Variants in PTPRM observed in about 807,000 individuals in gnomAD.
PTPRM encodes the protein receptor-type tyrosine-protein phosphatase mu.
In PTPRM, 47 loss-of-function variants were observed where a neutral mutation model predicts 186.7. That is an observed-to-expected ratio of 0.25 (90% CI 0.20 to 0.32). PTPRM has a LOEUF of 0.32. PTPRM is among the 10% of genes least tolerant of loss of function. The pLI is 1.00. For synonymous variants in PTPRM, 668 were observed against 674.9 expected (o/e 0.99, Z 0.16); for missense variants, 1,494 against 1,865.0 (o/e 0.80, Z 3.66).
At chr18:7,899,173 A>C (rs996199035) in intron 3 of PTPRM, among the ~76,000 whole-genome samples, 1 of 152,202 alleles carries the variant, frequency 6.6e-6, no homozygotes, top group Non-Finnish European at 1.5e-5. Context: ...AAGCAACGTT[A>C]CCAAAAAGAA....
In PTPRM at chr18:8,113,771, A is replaced by G; in HGVS notation, c.2130+12A>G. The G allele has an allele frequency of 6.2e-7, 1 of 1,602,246 alleles. No homozygotes were observed. Among genetic ancestry groups the G allele is most frequent in the East Asian group, 2.2e-5 (1 of 44,702 alleles). On this transcript the variant is annotated intron_variant, in intron 12 of 32. Coordinates refer to ENST00000580170, the MANE Select transcript of PTPRM (RefSeq NM_001105244.2). ...GTAGAGCCAATGGGGTAAGTTGTAC[A>G]GATAACTGTTTACTTAGGCTATTTG...
intron 7 of PTPRM, among the ~76,000 whole-genome samples, chr18:7,963,314 C>T (rs1176368065): frequency 2.0e-5 from 3 of 152,182 alleles, no homozygotes; most frequent in Admixed American, 6.5e-5. Context: ...CCCTTAAACA[C>T]GGATTCAGCA....
intron 1 of PTPRM, among the ~76,000 whole-genome samples, chr18:7,615,455 G>A (rs1342752088): frequency 6.6e-6 from 1 of 151,992 alleles, no homozygotes; most frequent in African/African-American, 2.4e-5. Context: ...TCTCCGAAAG[G>A]CCCTGTGTCA....
chr18:8,252,676 C>G (rs951986408), intron 18 of PTPRM, among the ~76,000 whole-genome samples, 177 bp downstream of exon 18: 3 of 152,266 alleles, frequency 2.0e-5, no homozygotes, highest in African/African-American at 7.2e-5. Context: ...CTTTCTGATA[C>G]CAGAGCATGC....
At chr18:8,084,875 A>G (rs1456623313) in intron 9 of PTPRM, among the ~76,000 whole-genome samples, 1 of 151,864 alleles carries the variant, frequency 6.6e-6, no homozygotes, top group Non-Finnish European at 1.5e-5. Flanking sequence ...TGTTATATTT[A>G]TTTTCAAACA....
chr18:7,652,134 TA>T (rs1206953520), intron 1 of PTPRM, among the ~76,000 whole-genome samples: 4 of 152,054 alleles, frequency 2.6e-5, no homozygotes, highest in Admixed American at 6.6e-5. Context: ...TTTATGCAGC[TA>T]AAAAACACAT....
intron 1 of PTPRM, among the ~76,000 whole-genome samples, chr18:7,570,277 T>C (rs1333913054): frequency 1.3e-5 from 2 of 152,252 alleles, no homozygotes; most frequent in African/African-American, 4.8e-5. Flanking sequence ...TTGAGGAAGT[T>C]AATTCTGAAT....
chr18:7,960,450 CATATAT>C (rs71354579), intron 7 of PTPRM, among the ~76,000 whole-genome samples: 3,452 of 120,500 alleles, frequency 0.029, 116 homozygotes, highest in East Asian at 0.085. Context: ...ATATAGGCAA[CATATAT>C]ATATATATAT....
intron 14 of PTPRM, among the ~76,000 whole-genome samples, chr18:8,200,732 CA>C (rs1232027660): frequency 6.6e-6 from 1 of 152,094 alleles, no homozygotes; most frequent in Non-Finnish European, 1.5e-5. Context: ...AAAAATAGTA[CA>C]AAAAATTGCC....
chr18:8,365,539 G>T (rs937456392), intron 23 of PTPRM, among the ~76,000 whole-genome samples: 3 of 152,186 alleles, frequency 2.0e-5, no homozygotes, highest in African/African-American at 7.2e-5. Context: ...AGCTATATTT[G>T]ATTTGAATCC....
chr18:8,269,740 G>A (rs943536319), intron 19 of PTPRM, among the ~76,000 whole-genome samples: 1 of 151,900 alleles, frequency 6.6e-6, no homozygotes, highest in African/African-American at 2.4e-5. Flanking sequence ...ATGCATATAT[G>A]ATCAACTAAT....
chr18:8,258,814 A>T (rs2094598963), intron 19 of PTPRM, among the ~76,000 whole-genome samples: 1 of 152,126 alleles, frequency 6.6e-6, no homozygotes, highest in Non-Finnish European at 1.5e-5. Context: ...ATTTCCAATT[A>T]CTAGAGCTGA....
chr18:7,862,168 T>C (rs2047421975), intron 2 of PTPRM, among the ~76,000 whole-genome samples: 1 of 152,110 alleles, frequency 6.6e-6, no homozygotes, highest in Admixed American at 6.6e-5. Context: ...ATCAGTTAAG[T>C]TCAAAATAAA....
rs763863215 is a variant in PTPRM, at chr18:7,955,292, G to A, written c.1010G>A (p.Ser337Asn). Residue 337 changes from serine to asparagine, a missense_variant, in exon 7 of 33, where the codon AGC (serine) becomes AAC (asparagine). Physicochemically the swap from Ser to Asn is conservative, Grantham distance 46. Around this residue, in one of 3 missense-constraint regions of PTPRM, gnomAD observed 91 missense variants for 169.3 expected, o/e 0.54. Transcript: ENST00000580170. ...WNDRQPVDST[S>N]YKIGHLDPDT... ...GACCGGCAGCCAGTCGATTCCACGA[G>A]CTATAAAATTGGACACCTTGACCCA... is the stretch of plus-strand genomic sequence containing the variant. The A allele has an allele frequency of 1.5e-4, 237 of 1,614,050 alleles. No homozygotes were observed. The highest frequency in any genetic ancestry group is 1.9e-4 in the Non-Finnish European group (227 of 1,180,042).
chr18:7,720,188 G>A (rs1353426625), intron 1 of PTPRM, among the ~76,000 whole-genome samples: 1 of 152,084 alleles, frequency 6.6e-6, no homozygotes, highest in Non-Finnish European at 1.5e-5. Context: ...ACTAATAAAA[G>A]TGACAAAGTT....
At position 8,387,088 on chromosome 18, in the gene PTPRM, G is replaced by A. The variant is rs563559000; in HGVS notation, c.4061G>A (p.Arg1354Gln). Residue 1354 changes from arginine to glutamine, a missense_variant, in exon 31 of 33, where the codon CGG becomes CAG. Arg to Gln is a conservative substitution (Grantham distance 43, BLOSUM62 1). This residue lies in a region of PTPRM where 1,107 missense variants were observed against 1,350.2 expected (regional missense o/e 0.82). Coordinates refer to ENST00000580170, the MANE Select transcript of PTPRM (RefSeq NM_001105244.2). ...TCTTCGTAGCCCCAAGATGGATATCGGATGGTGCAGCAATTCCAGTTCCTG... is the reference window on the plus strand; with the variant it reads ...TCTTCGTAGCCCCAAGATGGATATCAGATGGTGCAGCAATTCCAGTTCCTG... ...YNAARPQDGY[R>Q]MVQQFQFLGW... 2 of 1,608,452 alleles carry A rather than the reference G, an allele frequency of 1.2e-6. No individual in the cohort carries two copies. Among genetic ancestry groups the A allele is most frequent in the East Asian group, 2.2e-5 (1 of 44,840 alleles).
intron 2 of PTPRM, among the ~76,000 whole-genome samples, chr18:7,774,859 G>C (rs1048893111): frequency 6.6e-6 from 1 of 152,214 alleles, no homozygotes. Context: ...GGAAAAGTAG[G>C]AAGATGGTGA....
At chr18:7,893,506 G>A (rs1006082579) in intron 3 of PTPRM, among the ~76,000 whole-genome samples, 5 of 152,110 alleles carry the variant, frequency 3.3e-5, no homozygotes, top group African/African-American at 1.2e-4. Flanking sequence ...ACAAAAATGG[G>A]GAAGAAGAAG....
chr18:7,769,743 A>G (rs549391144), intron 1 of PTPRM, among the ~76,000 whole-genome samples: 4 of 152,268 alleles, frequency 2.6e-5, no homozygotes, highest in Middle Eastern at 3.4e-3. Context: ...ACTGTCATCA[A>G]TTACCTGGGT....
Sources: allele counts gnomAD v4.1 joint callset (sites outside exome capture counted in the v4.1 genomes callset), GRCh38; gene constraint gnomAD v4.1.1; regional missense constraint gnomAD v4.1.1; transcripts MANE v1.5; gene names NCBI Gene and HGNC (gene_info 2026-07-23, HGNC 2026-07-21).